The following SHB variants were observed in gnomAD, a reference collection of about 807,000 sequenced individuals.
SHB encodes SH2 domain-containing adapter protein B.
Under a neutral mutation model 52.3 loss-of-function variants are expected in SHB, and 20 were observed. The ratio of observed to expected loss-of-function variants is 0.38; its 90% CI spans 0.27 to 0.56. The LOEUF (loss-of-function observed/expected upper bound fraction) is 0.56. SHB is among the 20% of genes least tolerant of loss of function. The pLI, the probability that SHB is intolerant of heterozygous loss-of-function variation, is 0.71. For missense variants in SHB, 825 were observed against 723.3 expected, an observed-to-expected ratio of 1.14 and a Z score of -1.61; for synonymous variants, 397 against 316.5, an observed-to-expected ratio of 1.25 and a Z score of -2.70.
chr9:38,067,650 G>A (rs528965536), intron 1 of SHB, among the ~76,000 whole-genome samples: 23 of 152,240 alleles, frequency 1.5e-4, no homozygotes, highest in Non-Finnish European at 2.8e-4. Flanking sequence ...CAGCCAGAAG[G>A]ACTGACTGGG....
chr9:37,944,900 C>T (rs865806230), intron 5 of SHB, among the ~76,000 whole-genome samples: 3 of 148,526 alleles, frequency 2.0e-5, no homozygotes, highest in Admixed American at 6.7e-5. Context: ...CAGCTCTGGG[C>T]TCCCAAGACC....
intron 1 of SHB, among the ~76,000 whole-genome samples, chr9:38,029,639 C>G (rs146086880): frequency 6.6e-6 from 1 of 152,040 alleles, no homozygotes; most frequent in Non-Finnish European, 1.5e-5. Flanking sequence ...TACAGGCACA[C>G]GCCACCACGT....
At chr9:37,968,327 CT>C (rs1820553852) in intron 3 of SHB, among the ~76,000 whole-genome samples, 1 of 152,210 alleles carries the variant, frequency 6.6e-6, no homozygotes, top group Non-Finnish European at 1.5e-5. Context: ...ACTGAACAGT[CT>C]GTCTCAGGTC....
chr9:37,960,456 T>TTGGAATC (rs779773243), intron 3 of SHB, among the ~76,000 whole-genome samples: 1 of 152,130 alleles, frequency 6.6e-6, no homozygotes, highest in Non-Finnish European at 1.5e-5. Context: ...AAAATGGAAG[T>TTGGAATC]TGGAATCTGA....
At chr9:37,961,939 C>T (rs138431291) in intron 3 of SHB, among the ~76,000 whole-genome samples, 1 of 152,324 alleles carries the variant, frequency 6.6e-6, no homozygotes, top group East Asian at 1.9e-4. Flanking sequence ...CTGCAGCTAG[C>T]TCCGATGAAT....
chr9:37,921,808 G>A (rs1832183653), intron 5 of SHB, among the ~76,000 whole-genome samples: 1 of 152,202 alleles, frequency 6.6e-6, no homozygotes, highest in African/African-American at 2.4e-5. Flanking sequence ...TACCCACCAC[G>A]CCGAAGAGAC....
Position 38,045,745 on chromosome 9 carries a change from A to C in SHB, c.717+22184T>G, listed in dbSNP as rs953217352. Among the ~76,000 whole-genome samples the C allele has an allele frequency of 2.6e-5, 4 of 152,334 alleles. 1 individual carries two copies. Among genetic ancestry groups the C allele is most frequent in the Admixed American group, 2.6e-4 (4 of 15,298 alleles). ...TACAATAAAAACGGTGCATTTTAAA[A>C]AGACGTATGTTTTTTGACATGAGAA... On this transcript the variant is annotated intron_variant, in intron 1 of 5. Transcript: ENST00000377707.
At chr9:37,982,031 G>T (rs561632923) in intron 2 of SHB, among the ~76,000 whole-genome samples, 4 of 151,764 alleles carry the variant, frequency 2.6e-5, no homozygotes. Flanking sequence ...ATGAGCACAC[G>T]CTGTTGGAAA....
rs551631453 is a variant in SHB, at chr9:37,922,448, G to A, written c.1347-2444C>T. Among the ~76,000 whole-genome samples the A allele has an allele frequency of 1.3e-3, 205 of 152,304 alleles. 1 individual carries two copies. The highest frequency in any genetic ancestry group is 4.8e-3 in the African/African-American group (198 of 41,558). ...CAATGTCCTCTGTACCTTGGCTGCC[G>A]ACAGATAGCGAGGTGGGGCAGCTGC... On this transcript the variant is annotated intron_variant, in intron 5 of 5. Coordinates refer to ENST00000377707, the MANE Select transcript of SHB (RefSeq NM_003028.3).
At position 38,052,306 on chromosome 9, in the gene SHB, A is replaced by G. The variant is rs547441407; in HGVS notation, c.717+15623T>C. 4.3e-4 allele frequency among the ~76,000 whole-genome samples: 65 copies of G among 151,958 alleles called. 2 individuals are homozygous for G. The South Asian group carries it at 0.013, about 31-fold the overall frequency. On this transcript the variant is annotated intron_variant, in intron 1 of 5. Transcript: ENST00000377707. ...TGTTTCAGCAGAAACAAGCAGTCTG[A>G]CTTGTACAAGGCCTCCTCCGCCCAA...
At chr9:38,015,808 C>T (rs1016387731) in intron 2 of SHB, among the ~76,000 whole-genome samples, 1 of 152,160 alleles carries the variant, frequency 6.6e-6, no homozygotes, top group Admixed American at 6.5e-5. Flanking sequence ...TCATGGTGCC[C>T]GGCCAGTTTT....
intron 3 of SHB, among the ~76,000 whole-genome samples, chr9:37,969,146 C>G (rs907173366): frequency 6.6e-6 from 1 of 152,124 alleles, no homozygotes; most frequent in Non-Finnish European, 1.5e-5. Flanking sequence ...GAAGGGCATG[C>G]GATACCTCTT....
intron 1 of SHB, among the ~76,000 whole-genome samples, chr9:38,037,895 T>C (rs1202529236): frequency 1.3e-5 from 2 of 152,220 alleles, no homozygotes; most frequent in Admixed American, 1.3e-4. Context: ...ACAAGGTGGC[T>C]GGGCTAGAAG....
chr9:38,024,984 A>C (rs1821322946), intron 1 of SHB, among the ~76,000 whole-genome samples: 1 of 152,224 alleles, frequency 6.6e-6, no homozygotes, highest in Admixed American at 6.5e-5. Context: ...TGGGGACAGA[A>C]GGCTGTGAGT....
chr9:38,024,817 G>C (rs1821321205), intron 1 of SHB, among the ~76,000 whole-genome samples: 1 of 152,172 alleles, frequency 6.6e-6, no homozygotes, highest in Admixed American at 6.5e-5. Flanking sequence ...AAACACCCGG[G>C]GAGGGGTCTG....
At chr9:37,930,969 T>C (rs1009797608) in intron 5 of SHB, among the ~76,000 whole-genome samples, 3 of 152,084 alleles carry the variant, frequency 2.0e-5, no homozygotes, top group South Asian at 2.1e-4. Context: ...CAAACACATA[T>C]GGGTCAACTA....
chr9:38,019,056 TG>T (rs1471434568), intron 1 of SHB, among the ~76,000 whole-genome samples: 1 of 152,224 alleles, frequency 6.6e-6, no homozygotes, highest in Non-Finnish European at 1.5e-5. Context: ...CCAGGCCACC[TG>T]GGTCCACAAG....
chr9:38,017,723 G>GGGGACCCAGTA (rs951162966), intron 1 of SHB, among the ~76,000 whole-genome samples: 2 of 152,220 alleles, frequency 1.3e-5, no homozygotes, highest in African/African-American at 4.8e-5. Context: ...GAGTCCCAGT[G>GGGGACCCAGTA]GGGACCCAGT....
intron 5 of SHB, among the ~76,000 whole-genome samples, chr9:37,920,300 C>T (rs1340620957): frequency 1.4e-5 from 2 of 145,002 alleles, no homozygotes; most frequent in Non-Finnish European, 3.0e-5. Flanking sequence ...CAAAACAAAA[C>T]AAAACAAAAC....
Sources: allele counts gnomAD v4.1 joint callset (sites outside exome capture counted in the v4.1 genomes callset), GRCh38; gene constraint gnomAD v4.1.1; transcripts MANE v1.5; gene names NCBI Gene and HGNC (gene_info 2026-07-23, HGNC 2026-07-21).